The following OPCML variants were observed in gnomAD, a reference collection of about 807,000 sequenced individuals.
OPCML encodes opioid binding protein/cell adhesion molecule like, also known as opioid-binding protein/cell adhesion molecule.
A neutral mutation model predicts 37.8 loss-of-function variants in OPCML; 13 were observed. That is an observed-to-expected ratio of 0.34 (90% CI 0.22 to 0.55). OPCML has a LOEUF of 0.55. OPCML is among the 20% of genes least tolerant of loss of function. OPCML has a pLI of 0.91. For missense variants in OPCML, 341 were observed against 435.6 expected, an observed-to-expected ratio of 0.78 and a Z score of 1.93; for synonymous variants, 176 against 168.8, an observed-to-expected ratio of 1.04 and a Z score of -0.33.
At chr11:132,517,350 G>A (rs554462820) in intron 4 of OPCML, among the ~76,000 whole-genome samples, 1 of 152,138 alleles carries the variant, frequency 6.6e-6, no homozygotes, top group Non-Finnish European at 1.5e-5. Flanking sequence ...TGGACCCAGA[G>A]GTCTTTCAAA....
chr11:133,341,931 A>G (rs1000819916), intron 1 of OPCML, among the ~76,000 whole-genome samples: 7 of 152,074 alleles, frequency 4.6e-5, no homozygotes, highest in African/African-American at 7.2e-5. Flanking sequence ...GAAAAAAAAA[A>G]GCCTTTGCAG....
chr11:132,477,663 G>A lies in OPCML; in HGVS notation c.506-40304C>T, dbSNP rs768592114. Reference sequence around the variant, plus strand: ...AATGGAGGCAAAGTTCAAGACAGAAGCAAATTCATCGGGAATGAACATATG... The same window carrying A: ...AATGGAGGCAAAGTTCAAGACAGAAACAAATTCATCGGGAATGAACATATG... On this transcript the variant is annotated intron_variant, in intron 4 of 7. Transcript: ENST00000524381. 2.0e-5 allele frequency among the ~76,000 whole-genome samples: 3 copies of A among 152,186 alleles called. No homozygotes were observed. The South Asian group carries it at 6.2e-4, about 32-fold the overall frequency.
rs191342232 is a variant in OPCML, at chr11:133,136,328, A to G, written c.62-193318T>C. 3.7e-3 allele frequency among the ~76,000 whole-genome samples: 557 copies of G among 151,844 alleles called. 1 individual carries two copies. Among genetic ancestry groups the G allele is most frequent in the Non-Finnish European group, 5.6e-3 (382 of 67,948 alleles). On this transcript the variant is annotated intron_variant, in intron 1 of 7. Coordinates refer to ENST00000524381, the MANE Select transcript of OPCML (RefSeq NM_001012393.5). ...TCTATGCCTCTGCTGCCAAACTCAA[A>G]CCCACCCTCAAACAAAGCAGAAGGA...
intron 2 of OPCML, among the ~76,000 whole-genome samples, chr11:132,766,868 G>A (rs919891464): frequency 5.9e-5 from 9 of 152,124 alleles, no homozygotes; most frequent in African/African-American, 1.9e-4. Context: ...ATTATATGAT[G>A]TTGTATAAAC....
chr11:132,527,665 T>G (rs905867850), intron 4 of OPCML, among the ~76,000 whole-genome samples: 2 of 152,178 alleles, frequency 1.3e-5, no homozygotes, highest in African/African-American at 4.8e-5. Flanking sequence ...AGTCTGTGTC[T>G]CCACCGAAGG....
chr11:132,944,596 G>T (rs1231556861), intron 1 of OPCML, among the ~76,000 whole-genome samples: 1 of 152,206 alleles, frequency 6.6e-6, no homozygotes, highest in Non-Finnish European at 1.5e-5. Flanking sequence ...AGCAAGGGCT[G>T]GGAAAAACAC....
intron 4 of OPCML, among the ~76,000 whole-genome samples, chr11:132,499,093 T>C (rs2096240230): frequency 6.6e-6 from 1 of 152,144 alleles, no homozygotes; most frequent in African/African-American, 2.4e-5. Context: ...AGAAAGTAGA[T>C]CCGGGCTAGT....
At chr11:132,517,733 T>C (rs1242322229) in intron 4 of OPCML, among the ~76,000 whole-genome samples, 1 of 152,224 alleles carries the variant, frequency 6.6e-6, no homozygotes, top group Non-Finnish European at 1.5e-5. Context: ...GTAATTTTAC[T>C]TTTGAGTTAG....
chr11:132,959,515 G>A (rs764273922), intron 1 of OPCML, among the ~76,000 whole-genome samples: 3 of 152,312 alleles, frequency 2.0e-5, no homozygotes, highest in South Asian at 2.1e-4. Flanking sequence ...AAACAGCATC[G>A]CTTGCTACAG....
chr11:133,487,871 G>A (rs932343563), intron 1 of OPCML, among the ~76,000 whole-genome samples: 4 of 151,216 alleles, frequency 2.6e-5, no homozygotes, highest in African/African-American at 9.8e-5. Flanking sequence ...TTATCAATAA[G>A]AAGTCATTCT....
chr11:132,885,575 C>T (rs1323269918), intron 2 of OPCML, among the ~76,000 whole-genome samples: 1 of 152,056 alleles, frequency 6.6e-6, no homozygotes, highest in African/African-American at 2.4e-5. Context: ...CTGAGCTATG[C>T]AGAAAATGAA....
intron 1 of OPCML, among the ~76,000 whole-genome samples, chr11:132,998,323 A>T (rs7947903): frequency 7.0e-4 from 106 of 152,302 alleles, no homozygotes; most frequent in African/African-American, 2.6e-3. Flanking sequence ...GTGTAAGTCT[A>T]TGAGGCAAAG....
At chr11:132,551,556 C>T (rs1434694854) in intron 3 of OPCML, among the ~76,000 whole-genome samples, 2 of 152,170 alleles carry the variant, frequency 1.3e-5, no homozygotes, top group African/African-American at 2.4e-5. Context: ...CTAAACTGCT[C>T]TTAAGATCAG....
chr11:132,600,418 C>A (rs1251572624), intron 3 of OPCML, among the ~76,000 whole-genome samples: 1 of 152,190 alleles, frequency 6.6e-6, no homozygotes, highest in Non-Finnish European at 1.5e-5. Context: ...GTCTTCCCAG[C>A]CTCTCCATGT....
chr11:132,971,312 G>T (rs1946338885), intron 1 of OPCML, among the ~76,000 whole-genome samples: 1 of 152,132 alleles, frequency 6.6e-6, no homozygotes, highest in South Asian at 2.1e-4. Flanking sequence ...AGTTTGCTGT[G>T]CCACTTTTCT....
chr11:133,208,938 T>C lies in OPCML; in HGVS notation c.62-265928A>G, dbSNP rs1467753868. Among the ~76,000 whole-genome samples the C allele has an allele frequency of 2.6e-5, 4 of 152,208 alleles. No individual in the cohort carries two copies. Among genetic ancestry groups the C allele is most frequent in the Admixed American group, 6.5e-5 (1 of 15,288 alleles). On this transcript the variant is annotated intron_variant, in intron 1 of 7. Transcript: ENST00000524381. The surrounding 1 kb of genome is among the most constrained non-coding windows in gnomAD (Gnocchi z 8.9). ...ACCAACCCACTCTTGGGAGAAGACA[T>C]ACTTACATGGAAACAACAATAATAA...
chr11:132,970,064 CTT>C (rs1258219632), intron 1 of OPCML, among the ~76,000 whole-genome samples: 3 of 152,100 alleles, frequency 2.0e-5, no homozygotes, highest in African/African-American at 2.4e-5. Flanking sequence ...TCCTGGCTCT[CTT>C]GTTTGCTTGT....
intron 2 of OPCML, among the ~76,000 whole-genome samples, chr11:132,903,900 C>T (rs1252580453): frequency 3.9e-5 from 6 of 152,134 alleles, no homozygotes; most frequent in Admixed American, 6.5e-5. Flanking sequence ...ACGAAATTGG[C>T]GTTAAATTGT....
intron 1 of OPCML, among the ~76,000 whole-genome samples, chr11:133,335,758 T>A (rs1943732374): frequency 6.6e-6 from 1 of 152,174 alleles, no homozygotes; most frequent in Admixed American, 6.5e-5. Flanking sequence ...CTGACCCAGC[T>A]GTATGGATTA....
Sources: gnomAD v4.1 joint callset for allele counts (sites outside exome capture counted in the v4.1 genomes callset) on GRCh38, gnomAD v4.1.1 for gene constraint, Gnocchi (gnomAD v3.1) non-coding constraint, MANE v1.5 for transcripts, NCBI Gene and HGNC (gene_info 2026-07-23, HGNC 2026-07-21) for gene names.